The following CNTLN variants were observed in gnomAD, a reference collection of about 807,000 sequenced individuals.
CNTLN encodes the protein centlein, centrosomal protein.
Under a neutral mutation model 180.0 loss-of-function variants are expected in CNTLN, and 212 were observed. The observed-to-expected ratio is 1.18, with a 90% CI of 1.05 to 1.32. The LOEUF (loss-of-function observed/expected upper bound fraction) is 1.32. Ranked by LOEUF, CNTLN falls within the 40% of genes most tolerant of loss-of-function variation. The pLI is 0.00. For synonymous variants in CNTLN, 722 were observed against 563.1 expected (o/e 1.28, Z -3.99); for missense variants, 2,095 against 1,610.9 (o/e 1.30, Z -5.14).
At chr9:17,387,340 C>A (rs1825758819) in intron 13 of CNTLN, among the ~76,000 whole-genome samples, 1 of 151,854 alleles carries the variant, frequency 6.6e-6, no homozygotes. Context: ...CTTTTTATTC[C>A]TTAAGAAATG....
the CNTLN span, among the ~76,000 whole-genome samples, chr9:17,511,391 A>G: frequency 6.6e-6 from 1 of 152,192 alleles, no homozygotes; most frequent in Non-Finnish European, 1.5e-5. Context: ...TATTTGGGCC[A>G]GTGTCTGTGG....
At chr9:17,308,926 T>C in intron 7 of CNTLN, 132 bp from the exon 8 acceptor site, 1 of 418,814 alleles carries the variant, frequency 2.4e-6, no homozygotes, top group Non-Finnish European at 4.2e-6. Flanking sequence ...TCTCTGAGAC[T>C]ATTAAAATAA....
At chr9:17,182,383 C>T (rs901756529) in intron 2 of CNTLN, among the ~76,000 whole-genome samples, 2 of 152,066 alleles carry the variant, frequency 1.3e-5, no homozygotes, top group African/African-American at 2.4e-5. Context: ...GAACTTATTG[C>T]TGTTTAATAA....
At chr9:17,193,822 T>C (rs1821945555) in intron 2 of CNTLN, among the ~76,000 whole-genome samples, 1 of 152,194 alleles carries the variant, frequency 6.6e-6, no homozygotes, top group Non-Finnish European at 1.5e-5. Context: ...TATCAGAGGT[T>C]CTCCATGAGC....
intron 2 of CNTLN, chr9:17,167,261 G>C (rs1424905728): frequency 6.3e-6 from 1 of 158,034 alleles, no homozygotes; most frequent in African/African-American, 2.4e-5. Context: ...TGATTGTAAG[G>C]GGTATGTGTA....
At chr9:17,331,845 C>T (rs960529340) in intron 9 of CNTLN, among the ~76,000 whole-genome samples, 4 of 151,918 alleles carry the variant, frequency 2.6e-5, no homozygotes, top group Admixed American at 6.6e-5. Flanking sequence ...TACAGCATTA[C>T]CGGGCCTAAT....
intron 14 of CNTLN, among the ~76,000 whole-genome samples, chr9:17,393,329 A>G (rs1054542481): frequency 1.3e-5 from 2 of 152,196 alleles, no homozygotes; most frequent in Non-Finnish European, 2.9e-5. Flanking sequence ...AGTTGTCAGT[A>G]TATCAAACAT....
At chr9:17,528,525 A>G in the CNTLN span, among the ~76,000 whole-genome samples, 1 of 152,258 alleles carries the variant, frequency 6.6e-6, no homozygotes, top group Non-Finnish European at 1.5e-5. Flanking sequence ...CTGAGGAGAT[A>G]TGACAACTAC....
chr9:17,465,536 T>G (rs970024196), intron 21 of CNTLN, among the ~76,000 whole-genome samples: 1 of 149,838 alleles, frequency 6.7e-6, no homozygotes, highest in African/African-American at 2.4e-5. Flanking sequence ...TATAATCTTA[T>G]AAATAAGCTA....
In CNTLN at chr9:17,139,687, G is replaced by A. The variant is rs112334684; in HGVS notation, c.361-3601G>A. Among the ~76,000 whole-genome samples the A allele has an allele frequency of 7.2e-3, 1,088 of 152,020 alleles. 10 individuals carry two copies. Among genetic ancestry groups the A allele is most frequent in the African/African-American group, 8.5e-3 (355 of 41,522 alleles). ...AAAAAAAAAAGGAATTTTATAGTGA[G>A]TAATGTTAGGTTTTTATTTTTTGTT... On this transcript the variant is annotated intron_variant, in intron 1 of 25. Coordinates refer to ENST00000380647, the MANE Select transcript of CNTLN (RefSeq NM_017738.4).
rs922485277 is a variant in CNTLN, at chr9:17,503,830, T to TA, written c.*1184dup. 1 of 152,650 alleles carries TA rather than the reference T, an allele frequency of 6.6e-6. No homozygotes were observed. Among genetic ancestry groups the TA allele is most frequent in the Non-Finnish European group, 1.5e-5 (1 of 68,052 alleles). 9.5% of individuals were successfully genotyped at this position (152,650 alleles called of 1,614,324 possible). ...GGTTTTTGCCTTATTAAATGGTTTT[T>TA]AAAAAATCAAAAGGAGAATAATATT... On this transcript the variant is annotated 3_prime_UTR_variant, in exon 26 of 26. Coordinates refer to ENST00000380647, the MANE Select transcript of CNTLN (RefSeq NM_017738.4).
intron 2 of CNTLN, among the ~76,000 whole-genome samples, chr9:17,178,391 T>G (rs1269282390): frequency 2.0e-5 from 3 of 152,220 alleles, no homozygotes; most frequent in South Asian, 2.1e-4. Context: ...AGCTGCCTGC[T>G]AGTCCCGTGC....
At chr9:17,360,709 A>G (rs976084681) in intron 12 of CNTLN, among the ~76,000 whole-genome samples, 1 of 152,150 alleles carries the variant, frequency 6.6e-6, no homozygotes, top group African/African-American at 2.4e-5. Context: ...AGTTTCAACT[A>G]TTTTGGGATT....
At chr9:17,181,183 TTAG>T in intron 2 of CNTLN, among the ~76,000 whole-genome samples, 1 of 152,314 alleles carries the variant, frequency 6.6e-6, no homozygotes, top group South Asian at 2.1e-4. Flanking sequence ...GTTGTAAATA[TTAG>T]ATCTTTGACA....
the CNTLN span, among the ~76,000 whole-genome samples, chr9:17,522,505 CT>C: frequency 4.6e-5 from 7 of 152,154 alleles, no homozygotes; most frequent in African/African-American, 1.7e-4. Context: ...CTCAGGCAGC[CT>C]TTTCATCACT....
At position 17,394,783 on chromosome 9, in the gene CNTLN, C is replaced by G. The variant is rs758907192; in HGVS notation, c.2329C>G (p.Gln777Glu). ...LETEVTSLRR[Q>E]VAEANALRNE... ...GACAGAAGTCACTTCCCTGAGGAGA[C>G]AAGTGGCAGAAGCTAATGCATTGAG... Residue 777 changes from glutamine (Q) to glutamate (E), a missense_variant, in exon 15 of 26, where the codon CAA becomes GAA. Physicochemically the swap from Gln to Glu is conservative, Grantham distance 29. Transcript: ENST00000380647. 7 of 1,613,902 alleles carry G rather than the reference C, an allele frequency of 4.3e-6. No homozygotes were observed. The highest frequency in any genetic ancestry group is 5.9e-6 in the Non-Finnish European group (7 of 1,179,964).
At chr9:17,395,327 C>T (rs1055570144) in intron 15 of CNTLN, among the ~76,000 whole-genome samples, 2 of 152,100 alleles carry the variant, frequency 1.3e-5, no homozygotes, top group African/African-American at 2.4e-5. Context: ...TTCAGTGATG[C>T]TATTTTCATG....
chr9:17,141,735 G>C (rs1818111300), intron 1 of CNTLN, among the ~76,000 whole-genome samples: 1 of 152,136 alleles, frequency 6.6e-6, no homozygotes, highest in South Asian at 2.1e-4. Context: ...CTATCATGTA[G>C]ATAAGGACAG....
chr9:17,203,889 C>A (rs1037302945), intron 2 of CNTLN, among the ~76,000 whole-genome samples: 2 of 152,160 alleles, frequency 1.3e-5, no homozygotes, highest in Non-Finnish European at 2.9e-5. Flanking sequence ...ATCTTGTCTT[C>A]ACACTTTCTT....
Sources: gnomAD v4.1 joint callset for allele counts (sites outside exome capture counted in the v4.1 genomes callset) on GRCh38, gnomAD v4.1.1 for gene constraint, MANE v1.5 for transcripts, NCBI Gene and HGNC (gene_info 2026-07-23, HGNC 2026-07-21) for gene names.